The following UST variants were observed in gnomAD, a reference collection of about 807,000 sequenced individuals.
UST encodes chondroitin sulfate 2-O-sulfotransferase.
UST carries 21 observed loss-of-function variants against 45.6 expected under a neutral mutation model. The ratio of observed to expected loss-of-function variants is 0.46; its 90% CI spans 0.33 to 0.66. The LOEUF (loss-of-function observed/expected upper bound fraction) is 0.66, where lower values mean the gene tolerates loss of function less well. Ranked by LOEUF, UST falls within the 30% of genes least tolerant of loss-of-function variation. The pLI, the probability that UST is intolerant of heterozygous loss-of-function variation, is 0.02. For synonymous variants in UST, 215 were observed against 200.6 expected, an observed-to-expected ratio of 1.07 and a Z score of -0.61; for missense variants, 463 against 512.4, an observed-to-expected ratio of 0.90 and a Z score of 0.93.
intron 1 of UST, among the ~76,000 whole-genome samples, chr6:148,804,541 T>C (rs1777112153): frequency 6.6e-6 from 1 of 152,204 alleles, no homozygotes; most frequent in Non-Finnish European, 1.5e-5. Flanking sequence ...GCCTGCACCA[T>C]GTACGTGCCA....
chr6:148,815,812 T>C (rs1777343403), intron 1 of UST, among the ~76,000 whole-genome samples: 1 of 152,216 alleles, frequency 6.6e-6, no homozygotes, highest in African/African-American at 2.4e-5. Context: ...ATTTAAATAG[T>C]TGATTATATG....
At position 149,020,135 on chromosome 6, in the gene UST, T is replaced by G. The variant is rs114133409; in HGVS notation, c.779+899T>G. ...ACTTCTACACCGGCAACGCATTCAT[T>G]GTACCTTTTTGCTTATGCTATGATT... is the stretch of plus-strand genomic sequence containing the variant. On this transcript the variant is annotated intron_variant, in intron 6 of 7. Coordinates refer to ENST00000367463, the MANE Select transcript of UST (RefSeq NM_005715.3). 3.4e-3 allele frequency among the ~76,000 whole-genome samples: 517 copies of G among 152,336 alleles called. 1 individual carries two copies. Among genetic ancestry groups the G allele is most frequent in the African/African-American group, 0.012 (502 of 41,574 alleles).
intron 1 of UST, among the ~76,000 whole-genome samples, chr6:148,770,469 G>C (rs1179864974): frequency 6.6e-6 from 1 of 151,812 alleles, no homozygotes; most frequent in Non-Finnish European, 1.5e-5. Context: ...GTTGCTGCAA[G>C]GTAGGCGCCT....
chr6:149,076,060 A>C lies in UST; in HGVS notation c.*1944A>C, dbSNP rs1202579776. ...GGACCACAGAGGCACAGAGTCCAGC[A>C]CTTGGCCGCTCATGGGCCTTCTTTC... On this transcript the variant is annotated 3_prime_UTR_variant, in exon 8 of 8. Transcript: ENST00000367463. The C allele has an allele frequency of 1.3e-5, 2 of 152,812 alleles. No individual in the cohort carries two copies. The highest frequency in any genetic ancestry group is 2.9e-5 in the Non-Finnish European group (2 of 68,210). The allele number at this position is 152,812 out of a possible 1,614,324, so 9.5% of individuals were successfully genotyped here. A position where few individuals can be genotyped will look rare whatever the true frequency, so the allele number is the denominator to read the frequency against.
intron 7 of UST, among the ~76,000 whole-genome samples, chr6:149,068,356 A>G (rs192679755): frequency 2.4e-3 from 373 of 152,310 alleles, no homozygotes; most frequent in Middle Eastern, 6.8e-3. Context: ...CCTTGGCCTC[A>G]GTTTCCTCAT....
chr6:148,915,053 T>A (rs1300614103), intron 2 of UST, among the ~76,000 whole-genome samples: 1 of 152,122 alleles, frequency 6.6e-6, no homozygotes, highest in Non-Finnish European at 1.5e-5. Context: ...GGCAATTCTC[T>A]GGGGTCTTTT....
intron 1 of UST, among the ~76,000 whole-genome samples, chr6:148,812,275 T>G (rs1347796182): frequency 6.6e-6 from 1 of 152,202 alleles, no homozygotes; most frequent in African/African-American, 2.4e-5. Context: ...TGCTTGTAAT[T>G]TTAACAATAT....
intron 4 of UST, among the ~76,000 whole-genome samples, chr6:148,961,430 C>G (rs191268234): frequency 1.3e-5 from 2 of 151,988 alleles, no homozygotes; most frequent in African/African-American, 4.8e-5. Flanking sequence ...CCATAAAGAT[C>G]AAATTAGAGC....
rs1417862928 is a variant in UST, at chr6:148,747,628, G to T, written c.198G>T (p.Gln66His). 6.2e-7 allele frequency: 1 copy of T among 1,600,642 alleles called. No homozygotes were observed. Among genetic ancestry groups the T allele is most frequent in the Non-Finnish European group, 8.5e-7 (1 of 1,175,066 alleles). ...LVFCLGSLLY[Q>H]LSGGPPRFLL... Reference sequence around the variant, plus strand: ...TCTGCCTGGGCTCCCTCCTCTATCAGCTCAGCGGGGGACCCCCTCGCTTCC... The same window carrying T: ...TCTGCCTGGGCTCCCTCCTCTATCATCTCAGCGGGGGACCCCCTCGCTTCC... Residue 66 changes from glutamine (Q) to histidine (H), a missense_variant, in exon 1 of 8, where the codon CAG becomes CAT. By Grantham distance (24) the Gln-to-His change is conservative (BLOSUM62 0). Coordinates refer to ENST00000367463, the MANE Select transcript of UST (RefSeq NM_005715.3).
chr6:148,979,664 G>A (rs1179466256), intron 5 of UST, among the ~76,000 whole-genome samples: 5 of 152,190 alleles, frequency 3.3e-5, no homozygotes, highest in Admixed American at 6.5e-5. Context: ...TTGATTGCAC[G>A]ATGTTTCCCT....
intron 5 of UST, among the ~76,000 whole-genome samples, chr6:148,993,626 TG>T (rs1259428235): frequency 6.6e-6 from 1 of 152,184 alleles, no homozygotes; most frequent in East Asian, 1.9e-4. Flanking sequence ...AGGTGGGGCC[TG>T]GTGGGAAGTG....
intron 5 of UST, chr6:148,990,326 G>C: frequency 1.1e-6 from 1 of 916,950 alleles, no homozygotes; most frequent in Non-Finnish European, 1.3e-6. Flanking sequence ...TGAAGACAAA[G>C]AATAAGATTT....
chr6:149,034,468 C>G (rs4266511), intron 7 of UST, among the ~76,000 whole-genome samples: 39,730 of 137,240 alleles, frequency 0.29, 5,318 homozygotes, highest in Non-Finnish European at 0.37. Flanking sequence ...CTCCCTTCCC[C>G]CAGAGGCCCT....
Position 149,060,357 on chromosome 6 carries a change from A to G in UST, c.938-13476A>G, listed in dbSNP as rs575692555. On this transcript the variant is annotated intron_variant, in intron 7 of 7. Transcript: ENST00000367463. ...ACCAGGAAGGTGGTCTTAACATGCC[A>G]TCGATCATATCTGAGTGGCAAATGT... Among the ~76,000 whole-genome samples, 26 of 152,300 alleles carry G rather than the reference A, an allele frequency of 1.7e-4. 1 individual carries two copies. In the South Asian group the frequency reaches 4.8e-3, roughly 28 times the overall value.
chr6:149,020,048 C>T (rs1582962586), intron 6 of UST, among the ~76,000 whole-genome samples: 1 of 152,174 alleles, frequency 6.6e-6, no homozygotes, highest in Non-Finnish European at 1.5e-5. Context: ...TGACATTATT[C>T]CCCAAAGGAA....
intron 7 of UST, among the ~76,000 whole-genome samples, chr6:149,055,718 C>G (rs1487828998): frequency 2.0e-5 from 3 of 152,194 alleles, no homozygotes; most frequent in Non-Finnish European, 4.4e-5. Context: ...CCCTTTATCA[C>G]TCCCACCCAT....
At chr6:149,006,482 TATC>T (rs1439114898) in intron 5 of UST, among the ~76,000 whole-genome samples, 2 of 152,244 alleles carry the variant, frequency 1.3e-5, no homozygotes, top group African/African-American at 4.8e-5. Flanking sequence ...ATATTTTCTT[TATC>T]CAGTCTATCA....
At chr6:148,964,688 G>A in intron 5 of UST, 125 bp downstream of exon 5, 1 of 1,281,614 alleles carries the variant, frequency 7.8e-7, no homozygotes, top group African/African-American at 1.5e-5. Flanking sequence ...GTGGCGCAGA[G>A]AGGGTGCTTC....
chr6:148,763,312 A>C (rs1776255839), intron 1 of UST, among the ~76,000 whole-genome samples: 1 of 152,128 alleles, frequency 6.6e-6, no homozygotes, highest in South Asian at 2.1e-4. Flanking sequence ...TCTTCTTTTG[A>C]AAAATGTCTG....
Sources: allele counts gnomAD v4.1 joint callset (sites outside exome capture counted in the v4.1 genomes callset), GRCh38; gene constraint gnomAD v4.1.1; transcripts MANE v1.5; gene names NCBI Gene and HGNC (gene_info 2026-07-23, HGNC 2026-07-21).